FXYD4: variants seen among roughly 807,000 people sequenced by gnomAD.
FXYD4 encodes the protein FXYD domain-containing ion transport regulator 4.
A neutral mutation model predicts 18.3 loss-of-function variants in FXYD4; 14 were observed. That is an observed-to-expected ratio of 0.77 (90% CI 0.51 to 1.20). The LOEUF is 1.20. Among genes scored for constraint, FXYD4 ranks in the 50% most tolerant of loss-of-function variants. The pLI is 0.00. For missense variants in FXYD4, 99 were observed against 106.1 expected (o/e 0.93, Z 0.29); for synonymous variants, 40 against 40.5 (o/e 0.99, Z 0.04).
Position 43,375,630 on chromosome 10 carries a change from G to A in FXYD4, c.172+57G>A. 3 of 1,608,674 alleles carry A rather than the reference G, an allele frequency of 1.9e-6. No individual in the cohort carries two copies. The South Asian group carries it at 3.3e-5, about 18-fold the overall frequency. On this transcript the variant is annotated intron_variant, in intron 6 of 8. Coordinates refer to ENST00000476166, the MANE Select transcript of FXYD4 (RefSeq NM_173160.3). ...AGGGTGGGGCTGGCGGACAGGGTGG[G>A]GCAGAAAGAGAGAGTGCTCTCATTC...
intron 5 of FXYD4, 56 bp from the exon 6 acceptor site, chr10:43,375,442 TG>T (rs1004774125): frequency 2.2e-6 from 3 of 1,361,548 alleles, no homozygotes; most frequent in Non-Finnish European, 3.2e-6. Context: ...GAGTGTCTTT[TG>T]AATGAATGAC....
At chr10:43,374,322 A>C (rs2131948128) in intron 3 of FXYD4, 148 bp from the exon 4 acceptor site, 1 of 775,058 alleles carries the variant, frequency 1.3e-6, no homozygotes, top group East Asian at 2.4e-5. Flanking sequence ...CCACACCCTG[A>C]GGCTGTGTGG....
chr10:43,372,044 CAAA>C (rs60010547), intron 1 of FXYD4, among the ~76,000 whole-genome samples: 9 of 138,476 alleles, frequency 6.5e-5, no homozygotes, highest in Non-Finnish European at 9.3e-5. Flanking sequence ...GACCCTGTCT[CAAA>C]AAAAAAAAAA....
intron 3 of FXYD4, 100 bp from the exon 4 acceptor site, chr10:43,374,370 A>T (rs953731393): frequency 2.9e-5 from 34 of 1,163,190 alleles, no homozygotes; most frequent in South Asian, 4.9e-5. Flanking sequence ...TGGTGGCTCC[A>T]GGGTCACCCC....
intron 5 of FXYD4, 51 bp downstream of exon 5, chr10:43,374,690 C>T (rs542343596): frequency 6.9e-7 from 1 of 1,450,020 alleles, no homozygotes; most frequent in Non-Finnish European, 9.7e-7. Flanking sequence ...TCCTGGACCT[C>T]TTTGCTAGAC....
rs761924639 is a variant in FXYD4, at chr10:43,375,703, T to G, written c.181T>G (p.Cys61Gly). Residue 61 changes from cysteine (C) to glycine (G), a missense_variant, in exon 7 of 9, where the codon TGC becomes GGC. Cys to Gly is a radical substitution (Grantham distance 159, BLOSUM62 -3). Transcript: ENST00000476166. ...CCCTCTCTCTCTCCCAGGTGGCAAA[T>G]GCAAATGCAAGAGCAGCCAGAAGCA... Reference protein sequence around the residue: ...AGIAAVLSGKCKCKSSQKQHS... With the variant: ...AGIAAVLSGKGKCKSSQKQHS... The G allele has an allele frequency of 1.2e-6, 2 of 1,614,072 alleles. No individual in the cohort carries two copies. The highest frequency in any genetic ancestry group is 3.3e-4 in the Middle Eastern group (2 of 6,062).
In FXYD4 at chr10:43,374,641, T is replaced by C. The variant is rs751850489; in HGVS notation, c.97+2T>C. The stretch of plus-strand genomic sequence containing the variant: ...ATAAAGACGATCCCTTCTACTATGG[T>C]AAGAGCTGATATTCCCACCCCCACC... On this transcript the variant is annotated splice_donor_variant, in intron 5 of 8. Transcript: ENST00000476166. LOFTEE classifies it high-confidence loss of function. The C allele has an allele frequency of 6.2e-7, 1 of 1,611,338 alleles. No individual in the cohort carries two copies. Among genetic ancestry groups the C allele is most frequent in the Non-Finnish European group, 8.5e-7 (1 of 1,177,464 alleles).
chr10:43,373,761 C>T lies in FXYD4; in HGVS notation c.15C>T (p.Thr5=), dbSNP rs772203104. 1.9e-5 allele frequency: 30 copies of T among 1,609,868 alleles called. No homozygotes were observed. Among genetic ancestry groups the T allele is most frequent in the Middle Eastern group, 1.7e-4 (1 of 6,050 alleles). The change falls in exon 3 of 9, where the codon ACC becomes ACT. Residue 5 remains threonine (T), a synonymous_variant. Coordinates refer to ENST00000476166, the MANE Select transcript of FXYD4 (RefSeq NM_173160.3). ...CGAACTGTGACATGGAGAGAGTGAC[C>T]CTGGCCCTTCTCCTACTGGCAGGTG... MERV[T]LALLLLAGLT...
chr10:43,375,021 C>CTTTTTTT (rs964746350), intron 5 of FXYD4, among the ~76,000 whole-genome samples: 2 of 93,572 alleles, frequency 2.1e-5, no homozygotes, highest in African/African-American at 1.0e-4. Context: ...ATGTCCACTT[C>CTTTTTTT]TTTTTTTTTT....
chr10:43,374,661 C>T (rs1330724108), intron 5 of FXYD4, 22 bp downstream of exon 5: 3 of 1,595,054 alleles, frequency 1.9e-6, no homozygotes, highest in East Asian at 4.5e-5. Flanking sequence ...TATTCCCACC[C>T]CCACCCTACC....
At chr10:43,375,109 C>T (rs1171243365) in intron 5 of FXYD4, among the ~76,000 whole-genome samples, 1 of 149,766 alleles carries the variant, frequency 6.7e-6, no homozygotes, top group Non-Finnish European at 1.5e-5. Flanking sequence ...TCACTGCAAC[C>T]TCCATCTCCC....
chr10:43,373,052 A>G (rs1837827228), intron 2 of FXYD4, among the ~76,000 whole-genome samples: 1 of 152,004 alleles, frequency 6.6e-6, no homozygotes, highest in Non-Finnish European at 1.5e-5. Context: ...GGTCTGCTGG[A>G]GTAGGGTCCC....
rs943989506 is a variant in FXYD4 at position 43,374,403 on chromosome 10, G to T, written c.38-67G>T. 6.0e-6 allele frequency: 9 copies of T among 1,512,018 alleles called. No homozygotes were observed. The Admixed American group carries it at 1.3e-4, about 22-fold the overall frequency. The allele number at this position is 1,512,018 out of a possible 1,614,324, so 93.7% of individuals were successfully genotyped here. A position where few individuals can be genotyped will look rare whatever the true frequency, so the allele number is the denominator to read the frequency against. On this transcript the variant is annotated intron_variant, in intron 3 of 8. Transcript: ENST00000476166. ...CCCACAACCTCCGGGCTGGGGTCCT[G>T]CTGTCTGGCTTACTTGGACACCAGT...
At chr10:43,375,184 G>A (rs1435850141) in intron 5 of FXYD4, among the ~76,000 whole-genome samples, 3 of 151,646 alleles carry the variant, frequency 2.0e-5, no homozygotes, top group Non-Finnish European at 4.4e-5. Context: ...CTGCCGCCAC[G>A]CCTAGCTAAT....
At chr10:43,373,888 G>A in intron 3 of FXYD4, 105 bp downstream of exon 3, 2 of 815,856 alleles carry the variant, frequency 2.5e-6, no homozygotes, top group South Asian at 1.3e-5. Context: ...CAATCAGCAT[G>A]CTTTATTTAA....
chr10:43,375,974 T>C lies in FXYD4; in HGVS notation c.213-58T>C, dbSNP rs374954517. The C allele has an allele frequency of 2.5e-4, 389 of 1,569,160 alleles. No homozygotes were observed. In the East Asian group the frequency reaches 2.7e-3, roughly 11 times the overall value. On this transcript the variant is annotated intron_variant, in intron 7 of 8. Coordinates refer to ENST00000476166, the MANE Select transcript of FXYD4 (RefSeq NM_173160.3). ...GGCCGGGCAGCAAGAGTCTGGGATA[T>C]AGGGGAGAAGGTCCTCCAGGCTAAC...
chr10:43,375,956 C>A (rs1209734300), intron 7 of FXYD4, 76 bp from the exon 8 acceptor site: 10 of 1,491,614 alleles, frequency 6.7e-6, no homozygotes, highest in Admixed American at 3.3e-5. Context: ...TGGGGCCGGG[C>A]AGCAAGAGTC....
intron 5 of FXYD4, 31 bp from the exon 6 acceptor site, chr10:43,375,468 G>T (rs972754156): frequency 3.2e-6 from 5 of 1,566,708 alleles, no homozygotes; most frequent in South Asian, 1.1e-5. Flanking sequence ...GCCCCAGGCT[G>T]GTGCAAGCTC....
rs777360387 is a variant in FXYD4, at chr10:43,374,346, G to A, written c.38-124G>A. On this transcript the variant is annotated intron_variant, in intron 3 of 8. Transcript: ENST00000476166. ...GAGGCTGTGTGGGGCTGGGGAGGGC[G>A]TGAGGAAGGGAACTGGTGGCTCCAG... 197 of 885,862 alleles carry A rather than the reference G, an allele frequency of 2.2e-4. 1 individual carries two copies. The highest frequency in any genetic ancestry group is 6.7e-4 in the Middle Eastern group (2 of 3,002). The allele number at this position is 885,862 out of a possible 1,614,324, so 54.9% of individuals were successfully genotyped here.
Sources: gnomAD v4.1 joint callset for allele counts (sites outside exome capture counted in the v4.1 genomes callset) on GRCh38, gnomAD v4.1.1 for gene constraint, MANE v1.5 for transcripts, NCBI Gene and HGNC (gene_info 2026-07-23, HGNC 2026-07-21) for gene names.